Variants in SPDYA observed in about 807,000 individuals in gnomAD.
SPDYA encodes the protein speedy protein A.
A neutral mutation model predicts 36.7 loss-of-function variants in SPDYA; 11 were observed. The observed-to-expected ratio is 0.30, with a 90% confidence interval of 0.19 to 0.50. SPDYA has a LOEUF of 0.50. Among genes scored for constraint, SPDYA ranks in the 20% least tolerant of loss-of-function variants. The pLI is 0.98. For missense variants in SPDYA, 287 were observed against 370.9 expected (o/e 0.77, Z 1.86); for synonymous variants, 115 against 118.7 (o/e 0.97, Z 0.20).
rs1013371152 is a variant in SPDYA, at chr2:28,850,455, T to C, written c.*514T>C. On this transcript the variant is annotated 3_prime_UTR_variant, in exon 8 of 8. Coordinates refer to ENST00000334056, the MANE Select transcript of SPDYA (RefSeq NM_182756.4). Reference sequence around the variant, plus strand: ...ATAAGCTACATAAAATATTTTCTATTTTTTTCACAAAACTGTTAAAATATG... The same window carrying C: ...ATAAGCTACATAAAATATTTTCTATCTTTTTCACAAAACTGTTAAAATATG... 3 of 1,269,236 alleles carry C rather than the reference T, an allele frequency of 2.4e-6. No homozygotes were observed. The African/African-American group carries it at 4.6e-5, about 19-fold the overall frequency. 78.6% of individuals were successfully genotyped at this position (1,269,236 alleles called of 1,614,324 possible).
intron 7 of SPDYA, among the ~76,000 whole-genome samples, chr2:28,843,422 T>C (rs1250501854): frequency 5.9e-5 from 9 of 151,912 alleles, no homozygotes; most frequent in Non-Finnish European, 1.5e-5. Context: ...TGGTGGTACA[T>C]GCCTGTAATC....
chr2:28,834,330 CA>C (rs1394789561), intron 6 of SPDYA, among the ~76,000 whole-genome samples: 1 of 152,132 alleles, frequency 6.6e-6, no homozygotes, highest in African/African-American at 2.4e-5. Context: ...ACAAGGTTAA[CA>C]TAGAGTTACC....
intron 2 of SPDYA, among the ~76,000 whole-genome samples, chr2:28,815,707 A>G (rs1427052834): frequency 6.6e-6 from 1 of 152,144 alleles, no homozygotes; most frequent in Non-Finnish European, 1.5e-5. Context: ...AGTCAGCATC[A>G]TTTCTATAAT....
At chr2:28,826,545 C>G (rs1668323508) in intron 5 of SPDYA, among the ~76,000 whole-genome samples, 1 of 150,732 alleles carries the variant, frequency 6.6e-6, no homozygotes, top group East Asian at 1.9e-4. Context: ...ACCAATTAAA[C>G]TTGTTATGCC....
At chr2:28,844,085 A>G (rs1258067692) in intron 7 of SPDYA, among the ~76,000 whole-genome samples, 1 of 152,174 alleles carries the variant, frequency 6.6e-6, no homozygotes, top group Non-Finnish European at 1.5e-5. Flanking sequence ...CCTTCTTTGA[A>G]TTTTCTTACT....
intron 5 of SPDYA, among the ~76,000 whole-genome samples, chr2:28,825,435 A>G (rs1046190450): frequency 6.6e-6 from 1 of 152,198 alleles, no homozygotes; most frequent in Non-Finnish European, 1.5e-5. Flanking sequence ...TAAAAATAAC[A>G]TGAATTATAA....
rs573693538 is a variant in SPDYA, at chr2:28,825,240, G to GT, written c.380+2840dup. Among the ~76,000 whole-genome samples the GT allele has an allele frequency of 3.6e-3, 527 of 146,954 alleles. 2 individuals are homozygous for GT. Among genetic ancestry groups the GT allele is most frequent in the African/African-American group, 0.01 (403 of 40,132 alleles). On this transcript the variant is annotated intron_variant, in intron 5 of 7. Coordinates refer to ENST00000334056, the MANE Select transcript of SPDYA (RefSeq NM_182756.4). ...TATGTTGATGCAATATTTATTTTGT[G>GT]TTTTTTTTTTACCTGAGAATTAAAA...
At chr2:28,831,570 A>C (rs1668480072) in intron 6 of SPDYA, among the ~76,000 whole-genome samples, 1 of 152,154 alleles carries the variant, frequency 6.6e-6, no homozygotes, top group South Asian at 2.1e-4. Context: ...TCCTTATCAC[A>C]ATACTTTGTT....
intron 7 of SPDYA, among the ~76,000 whole-genome samples, chr2:28,843,852 T>C (rs1030052172): frequency 3.3e-5 from 5 of 152,176 alleles, no homozygotes; most frequent in Admixed American, 3.3e-4. Flanking sequence ...AAACTACTAT[T>C]GTTTCTCCTT....
chr2:28,847,602 C>T (rs1286132026), intron 7 of SPDYA, among the ~76,000 whole-genome samples: 6 of 151,340 alleles, frequency 4.0e-5, no homozygotes, highest in East Asian at 3.9e-4. Context: ...AAAAATTAGC[C>T]GGGCGTGATG....
chr2:28,826,953 T>TC (rs1379004215), intron 5 of SPDYA, among the ~76,000 whole-genome samples: 3 of 146,534 alleles, frequency 2.0e-5, no homozygotes, highest in African/African-American at 5.0e-5. Flanking sequence ...TTCTTTCTTT[T>TC]TTTTTTTTTT....
At chr2:28,817,559 C>CA (rs200014746) in intron 3 of SPDYA, among the ~76,000 whole-genome samples, 1,704 of 147,002 alleles carry the variant, frequency 0.012, 38 homozygotes, top group African/African-American at 0.04. Flanking sequence ...GAAACTGTCT[C>CA]AAAAAAAAAG....
chr2:28,817,711 C>T (rs1399843868), intron 3 of SPDYA, among the ~76,000 whole-genome samples: 3 of 130,038 alleles, frequency 2.3e-5, no homozygotes, highest in Non-Finnish European at 5.0e-5. Flanking sequence ...CCCCATCAGG[C>T]GTGGTGGTGC....
chr2:28,827,235 G>T (rs915485628), intron 5 of SPDYA, among the ~76,000 whole-genome samples: 1 of 151,888 alleles, frequency 6.6e-6, no homozygotes, highest in African/African-American at 2.4e-5. Flanking sequence ...CCACCGAGCC[G>T]GGCCAATCTT....
chr2:28,850,370 G>A lies in SPDYA; in HGVS notation c.*429G>A, dbSNP rs267599332. 2 of 1,609,896 alleles carry A rather than the reference G, an allele frequency of 1.2e-6. No homozygotes were observed. Among genetic ancestry groups the A allele is most frequent in the Non-Finnish European group, 1.7e-6 (2 of 1,178,046 alleles). Reference sequence around the variant, plus strand: ...CAGTGTACTGGTCTAGCAACATAGGGAAATGATCCATATGGAAAATCAGAA... The same window carrying A: ...CAGTGTACTGGTCTAGCAACATAGGAAAATGATCCATATGGAAAATCAGAA... On this transcript the variant is annotated 3_prime_UTR_variant, in exon 8 of 8. Transcript: ENST00000334056.
chr2:28,817,744 G>A (rs1391026229), intron 3 of SPDYA, among the ~76,000 whole-genome samples: 2 of 149,508 alleles, frequency 1.3e-5, no homozygotes, highest in East Asian at 4.0e-4. Flanking sequence ...CCAGCTACTT[G>A]GGAGGCGGAG....
intron 7 of SPDYA, 164 bp downstream of exon 7, chr2:28,840,633 A>G (rs749688630): frequency 2.2e-5 from 30 of 1,394,680 alleles, no homozygotes; most frequent in Admixed American, 3.4e-5. Flanking sequence ...TCTTGTGTCC[A>G]TATTTGTTTT....
chr2:28,826,952 T>TC (rs1163315354), intron 5 of SPDYA, among the ~76,000 whole-genome samples: 5 of 145,598 alleles, frequency 3.4e-5, no homozygotes, highest in African/African-American at 1.3e-4. Flanking sequence ...TTTCTTTCTT[T>TC]TTTTTTTTTT....
chr2:28,841,559 A>T (rs1027811062), intron 7 of SPDYA, among the ~76,000 whole-genome samples: 1 of 152,164 alleles, frequency 6.6e-6, no homozygotes, highest in East Asian at 1.9e-4. Context: ...TAATTCTATC[A>T]TGAGAAATTA....
Sources: allele counts gnomAD v4.1 joint callset (sites outside exome capture counted in the v4.1 genomes callset), GRCh38; gene constraint gnomAD v4.1.1; transcripts MANE v1.5; gene names NCBI Gene and HGNC (gene_info 2026-07-23, HGNC 2026-07-21).